DYNC1I1: variants seen among roughly 807,000 people sequenced by gnomAD.
DYNC1I1 encodes the protein dynein cytoplasmic 1 intermediate chain 1.
Under a neutral mutation model 86.6 loss-of-function variants are expected in DYNC1I1, and 43 were observed. The observed-to-expected ratio is 0.50, with a 90% CI of 0.39 to 0.64. DYNC1I1 has a LOEUF of 0.64. Ranked by LOEUF, DYNC1I1 falls within the 30% of genes least tolerant of loss-of-function variation. The pLI, the probability that DYNC1I1 is intolerant of heterozygous loss-of-function variation, is 0.00. For synonymous variants in DYNC1I1, 262 were observed against 283.7 expected, an observed-to-expected ratio of 0.92 and a Z score of 0.77; for missense variants, 604 against 788.8, an observed-to-expected ratio of 0.77 and a Z score of 2.81.
chr7:96,086,557 A>C (rs935361005), intron 16 of DYNC1I1, among the ~76,000 whole-genome samples: 2 of 152,186 alleles, frequency 1.3e-5, no homozygotes, highest in Non-Finnish European at 2.9e-5. Context: ...TAAATCTTTA[A>C]ATTTGAACTC....
At chr7:95,951,458 G>A (rs1053121172) in intron 6 of DYNC1I1, among the ~76,000 whole-genome samples, 1 of 152,058 alleles carries the variant, frequency 6.6e-6, no homozygotes, top group Non-Finnish European at 1.5e-5. Context: ...GCTTTTGAAT[G>A]TTTTTTGGGA....
intron 10 of DYNC1I1, among the ~76,000 whole-genome samples, chr7:96,003,363 G>A (rs1794063082): frequency 6.6e-6 from 1 of 152,178 alleles, no homozygotes; most frequent in Admixed American, 6.5e-5. Context: ...CTGGCCATTT[G>A]CCGTGCTTAA....
In DYNC1I1 at chr7:96,098,411, A is replaced by G; in HGVS notation, c.*818A>G. Reference sequence around the variant, plus strand: ...AATATGACATCAGTGTTGCCAATAAAATGTTTCAAACCAGGTCTGCACCAG... The same window carrying G: ...AATATGACATCAGTGTTGCCAATAAGATGTTTCAAACCAGGTCTGCACCAG... On this transcript the variant is annotated 3_prime_UTR_variant, in exon 17 of 17. Transcript: ENST00000447467. 7 of 985,462 alleles carry G rather than the reference A, an allele frequency of 7.1e-6. No homozygotes were observed. The highest frequency in any genetic ancestry group is 6.0e-6 in the Non-Finnish European group (5 of 829,930). The allele number at this position is 985,462 out of a possible 1,614,324, so 61.0% of individuals were successfully genotyped here.
At chr7:95,940,550 A>C (rs534153308) in intron 6 of DYNC1I1, among the ~76,000 whole-genome samples, 8 of 151,884 alleles carry the variant, frequency 5.3e-5, no homozygotes, top group Non-Finnish European at 1.2e-4. Flanking sequence ...CATTCATTTC[A>C]TCTTCCATCA....
chr7:95,836,614 G>T (rs1246916907), intron 5 of DYNC1I1, among the ~76,000 whole-genome samples: 1 of 152,068 alleles, frequency 6.6e-6, no homozygotes, highest in Non-Finnish European at 1.5e-5. Flanking sequence ...CCAGTCAGAC[G>T]TAGATTTGGT....
intron 6 of DYNC1I1, among the ~76,000 whole-genome samples, chr7:95,965,359 T>C (rs1271941343): frequency 6.6e-6 from 1 of 152,166 alleles, no homozygotes; most frequent in Non-Finnish European, 1.5e-5. Flanking sequence ...GTGGACACAG[T>C]TGAAACAGAA....
chr7:96,046,269 G>T (rs937833797), intron 14 of DYNC1I1, among the ~76,000 whole-genome samples: 2 of 152,136 alleles, frequency 1.3e-5, no homozygotes, highest in African/African-American at 4.8e-5. Context: ...TATTTTCTAG[G>T]TGGTGACAAG....
At chr7:95,960,116 G>GT (rs768596934) in intron 6 of DYNC1I1, among the ~76,000 whole-genome samples, 114 of 152,100 alleles carry the variant, frequency 7.5e-4, no homozygotes, top group Admixed American at 2.1e-3. Flanking sequence ...TTTTTGTTTT[G>GT]TTTTTTTGAG....
intron 7 of DYNC1I1, among the ~76,000 whole-genome samples, chr7:95,981,225 G>A (rs1334940874): frequency 6.6e-6 from 1 of 151,762 alleles, no homozygotes; most frequent in Non-Finnish European, 1.5e-5. Context: ...TCACAAGAAG[G>A]CAGAACCCAA....
At chr7:95,852,638 C>T (rs555390513) in intron 5 of DYNC1I1, among the ~76,000 whole-genome samples, 38 of 152,124 alleles carry the variant, frequency 2.5e-4, no homozygotes, top group African/African-American at 7.9e-4. Flanking sequence ...TCCCGGGTAG[C>T]GAGGATTACA....
In DYNC1I1 at chr7:95,940,110, A is replaced by C. The variant is rs1238867970; in HGVS notation, c.491-37402A>C. 4.0e-5 allele frequency among the ~76,000 whole-genome samples: 6 copies of C among 151,544 alleles called. No homozygotes were observed. The East Asian group carries it at 7.8e-4, about 20-fold the overall frequency. Reference sequence around the variant, plus strand: ...GGGTTGAAAATTCTTTTCTTTAAGAATGTTAAATATTGGCCCCCACTCTCT... The same window carrying C: ...GGGTTGAAAATTCTTTTCTTTAAGACTGTTAAATATTGGCCCCCACTCTCT... On this transcript the variant is annotated intron_variant, in intron 6 of 16. Transcript: ENST00000447467.
At chr7:95,784,244 C>T (rs1043480841) in intron 1 of DYNC1I1, among the ~76,000 whole-genome samples, 8 of 152,124 alleles carry the variant, frequency 5.3e-5, no homozygotes, top group African/African-American at 1.4e-4. Context: ...TTTCCTAACT[C>T]CCCTGTTCCC....
chr7:95,968,821 GCT>G (rs199506086), intron 6 of DYNC1I1, among the ~76,000 whole-genome samples: 2,228 of 73,206 alleles, frequency 0.03, 46 homozygotes, highest in African/African-American at 0.054. Flanking sequence ...TGAATTTTTT[GCT>G]CTGTGTGTGT....
At chr7:96,084,943 G>A (rs1023000825) in intron 16 of DYNC1I1, among the ~76,000 whole-genome samples, 12 of 152,216 alleles carry the variant, frequency 7.9e-5, no homozygotes, top group African/African-American at 2.6e-4. Context: ...GGAGTGGAGC[G>A]GGACAGGCTT....
intron 6 of DYNC1I1, among the ~76,000 whole-genome samples, chr7:95,942,850 T>TCAGG (rs2116452320): frequency 6.9e-6 from 1 of 145,922 alleles, no homozygotes; most frequent in African/African-American, 2.5e-5. Flanking sequence ...TCTCAATAAA[T>TCAGG]TAGGTATTGA....
chr7:96,084,653 C>T (rs1790626377), intron 16 of DYNC1I1, among the ~76,000 whole-genome samples: 1 of 152,028 alleles, frequency 6.6e-6, no homozygotes, highest in Admixed American at 6.6e-5. Context: ...GAACTCCTGA[C>T]CTCAGGTGAT....
At chr7:96,051,990 T>C (rs1789417177) in intron 14 of DYNC1I1, among the ~76,000 whole-genome samples, 1 of 152,198 alleles carries the variant, frequency 6.6e-6, no homozygotes, top group African/African-American at 2.4e-5. Context: ...ACAGTGAGTA[T>C]GCAACTGGGA....
intron 1 of DYNC1I1, among the ~76,000 whole-genome samples, chr7:95,785,745 A>G (rs1043533420): frequency 2.1e-5 from 3 of 142,784 alleles, no homozygotes; most frequent in African/African-American, 5.1e-5. Flanking sequence ...GTATATATAT[A>G]TGTGTGTATG....
At chr7:95,966,708 G>A (rs1305419384) in intron 6 of DYNC1I1, among the ~76,000 whole-genome samples, 1 of 152,202 alleles carries the variant, frequency 6.6e-6, no homozygotes, top group Admixed American at 6.5e-5. Context: ...TTATTATGAG[G>A]AGTGAATAGA....
Sources: gnomAD v4.1 joint callset for allele counts (sites outside exome capture counted in the v4.1 genomes callset) on GRCh38, gnomAD v4.1.1 for gene constraint, MANE v1.5 for transcripts, NCBI Gene and HGNC (gene_info 2026-07-23, HGNC 2026-07-21) for gene names.